CSMD1: variants seen among roughly 807,000 people sequenced by gnomAD.
CSMD1 encodes the protein CUB and sushi domain-containing protein 1.
A neutral mutation model predicts 417.5 loss-of-function variants in CSMD1; 213 were observed. The ratio of observed to expected loss-of-function variants is 0.51; its 90% CI spans 0.46 to 0.57. The LOEUF (loss-of-function observed/expected upper bound fraction) is 0.57, where lower values mean the gene tolerates loss of function less well. Among genes scored for constraint, CSMD1 ranks in the 20% least tolerant of loss-of-function variants. CSMD1 has a pLI of 0.00. For synonymous variants in CSMD1, 2,862 were observed against 1,736.8 expected (o/e 1.65, Z -16.11); for missense variants, 6,923 against 4,529.7 (o/e 1.53, Z -15.17).
chr8:4,527,928 A>G (rs1796605285), intron 2 of CSMD1, among the ~76,000 whole-genome samples: 1 of 152,126 alleles, frequency 6.6e-6, no homozygotes, highest in Admixed American at 6.5e-5. Flanking sequence ...CTGCTTCCTG[A>G]GGGTGTGCTG....
At chr8:4,133,703 T>C (rs1247715558) in intron 3 of CSMD1, among the ~76,000 whole-genome samples, 1 of 8,624 alleles carries the variant, frequency 1.2e-4, no homozygotes, top group Non-Finnish European at 6.0e-3. Flanking sequence ...CCATAATACA[T>C]AAAGTGTAAT....
intron 2 of CSMD1, among the ~76,000 whole-genome samples, chr8:4,485,085 G>A (rs1488304293): frequency 6.6e-6 from 1 of 150,772 alleles, no homozygotes; most frequent in African/African-American, 2.4e-5. Flanking sequence ...ACACAGAAAG[G>A]AGATGCTGAG....
chr8:4,890,030 G>A (rs147815653), intron 1 of CSMD1, among the ~76,000 whole-genome samples: 5 of 152,068 alleles, frequency 3.3e-5, no homozygotes, highest in Admixed American at 1.3e-4. Flanking sequence ...ATTTCCTGAG[G>A]TTCTTGAGGT....
intron 3 of CSMD1, among the ~76,000 whole-genome samples, chr8:4,418,032 G>C (rs781353312): frequency 2.0e-5 from 3 of 151,734 alleles, no homozygotes; most frequent in Non-Finnish European, 4.4e-5. Flanking sequence ...ACTCATTTTT[G>C]CAGGAGACCT....
chr8:3,617,240 G>T (rs1000751085), intron 7 of CSMD1, among the ~76,000 whole-genome samples: 2 of 152,170 alleles, frequency 1.3e-5, no homozygotes, highest in Non-Finnish European at 2.9e-5. Context: ...ATAACATTAT[G>T]TATATTTTAA....
intron 2 of CSMD1, among the ~76,000 whole-genome samples, chr8:4,577,904 C>T (rs1187896463): frequency 6.6e-6 from 1 of 152,114 alleles, no homozygotes; most frequent in East Asian, 1.9e-4. Context: ...TGTATCAAGT[C>T]CTAGGAAACA....
intron 2 of CSMD1, among the ~76,000 whole-genome samples, chr8:4,468,259 C>A (rs544091256): frequency 6.6e-6 from 1 of 152,194 alleles, no homozygotes; most frequent in Non-Finnish European, 1.5e-5. Context: ...ACTTCTGAGA[C>A]TCCTGACCCC....
At chr8:3,231,180 T>C (rs897947975) in intron 26 of CSMD1, among the ~76,000 whole-genome samples, 4 of 152,340 alleles carry the variant, frequency 2.6e-5, no homozygotes, top group Middle Eastern at 3.4e-3. Flanking sequence ...CTGTGTATTA[T>C]GTGTCGCACT....
intron 1 of CSMD1, among the ~76,000 whole-genome samples, chr8:4,659,980 G>T (rs1176525056): frequency 6.6e-6 from 1 of 151,782 alleles, no homozygotes; most frequent in Admixed American, 6.6e-5. Context: ...CCTCAAATTG[G>T]TAAGGAGTAT....
At chr8:3,527,109 C>A (rs1797785305) in intron 10 of CSMD1, among the ~76,000 whole-genome samples, 1 of 151,966 alleles carries the variant, frequency 6.6e-6, no homozygotes. Context: ...GAGCCCAGAA[C>A]CCAGAAGAAG....
intron 12 of CSMD1, among the ~76,000 whole-genome samples, chr8:3,448,172 A>G (rs1302154941): frequency 6.6e-6 from 1 of 150,484 alleles, no homozygotes; most frequent in Non-Finnish European, 1.5e-5. Context: ...GGGGGAGTAG[A>G]TAGTGAAGAC....
chr8:3,523,761 A>G (rs958798150), intron 10 of CSMD1, among the ~76,000 whole-genome samples: 6 of 151,626 alleles, frequency 4.0e-5, no homozygotes, highest in African/African-American at 9.7e-5. Flanking sequence ...ATGCACACAC[A>G]CATGCACACA....
intron 4 of CSMD1, 76 bp from the exon 5 acceptor site, chr8:3,998,186 A>G: frequency 7.8e-7 from 1 of 1,275,916 alleles, no homozygotes; most frequent in Non-Finnish European, 1.1e-6. Flanking sequence ...ACCAAGTGTC[A>G]CTCTTGATCA....
At chr8:3,443,219 A>G (rs1443625827) in intron 12 of CSMD1, among the ~76,000 whole-genome samples, 1 of 152,186 alleles carries the variant, frequency 6.6e-6, no homozygotes, top group African/African-American at 2.4e-5. Flanking sequence ...ATGTCAGACT[A>G]TTTCTTATAG....
Position 3,929,397 on chromosome 8 carries a change from G to A in CSMD1, c.818+68506C>T, listed in dbSNP as rs368913920. Among the ~76,000 whole-genome samples, 15 of 150,540 alleles carry A rather than the reference G, an allele frequency of 1.0e-4. 1 individual carries two copies. In the East Asian group the frequency reaches 2.7e-3, roughly 28 times the overall value. ...TTCGTGAATGTTCACAGCCAAGGGT[G>A]ACAATGTAATTTCAACCTTCCCCAC... On this transcript the variant is annotated intron_variant, in intron 5 of 69. Transcript: ENST00000635120.
intron 5 of CSMD1, among the ~76,000 whole-genome samples, chr8:3,980,456 G>A (rs185881101): frequency 6.6e-6 from 1 of 152,118 alleles, no homozygotes; most frequent in Non-Finnish European, 1.5e-5. Flanking sequence ...ACACGTTTGT[G>A]AAGATTTTTT....
rs554638361 is a variant in CSMD1, at chr8:4,109,185, T to C, written c.416-77086A>G. On this transcript the variant is annotated intron_variant, in intron 3 of 69. Transcript: ENST00000635120. ...GTGTTATGCTGTATTATTCATGGAA[T>C]AATAGCCAGAAAAAAATCCTGAATA... Among the ~76,000 whole-genome samples the C allele has an allele frequency of 8.5e-5, 13 of 152,310 alleles. No individual in the cohort carries two copies. The South Asian group carries it at 2.7e-3, about 32-fold the overall frequency.
chr8:4,318,184 T>C (rs1482637817), intron 3 of CSMD1, among the ~76,000 whole-genome samples: 1 of 152,144 alleles, frequency 6.6e-6, no homozygotes, highest in African/African-American at 2.4e-5. Flanking sequence ...TATCCTTCTA[T>C]GGGTTTACAT....
intron 5 of CSMD1, among the ~76,000 whole-genome samples, chr8:3,787,064 T>G (rs554932372): frequency 6.6e-6 from 1 of 152,114 alleles, no homozygotes; most frequent in Non-Finnish European, 1.5e-5. Context: ...TTATTCTGAG[T>G]TTAGAGTGTG....
Sources: gnomAD v4.1 joint callset for allele counts (sites outside exome capture counted in the v4.1 genomes callset) on GRCh38, gnomAD v4.1.1 for gene constraint, MANE v1.5 for transcripts, NCBI Gene and HGNC (gene_info 2026-07-23, HGNC 2026-07-21) for gene names.